Variants in CACNB2 observed in about 807,000 individuals in gnomAD.
The protein encoded by CACNB2 is calcium voltage-gated channel auxiliary subunit beta 2, also known as voltage-dependent L-type calcium channel subunit beta-2.
A neutral mutation model predicts 73.3 loss-of-function variants in CACNB2; 42 were observed. The ratio of observed to expected loss-of-function variants is 0.57; its 90% CI spans 0.45 to 0.74. The LOEUF (loss-of-function observed/expected upper bound fraction) is 0.74. Among genes scored for constraint, CACNB2 ranks in the 30% least tolerant of loss-of-function variants. CACNB2 has a pLI of 0.00. For synonymous variants in CACNB2, 348 were observed against 310.3 expected, an observed-to-expected ratio of 1.12 and a Z score of -1.28; for missense variants, 940 against 853.0, an observed-to-expected ratio of 1.10 and a Z score of -1.27.
intron 3 of CACNB2, among the ~76,000 whole-genome samples, chr10:18,418,411 A>G (rs1321501957): frequency 3.3e-5 from 5 of 152,232 alleles, no homozygotes; most frequent in East Asian, 1.9e-4. Context: ...AATTATTTCA[A>G]TTGATATTTG....
At chr10:18,394,833 T>C (rs1365176059) in intron 2 of CACNB2, among the ~76,000 whole-genome samples, 2 of 152,246 alleles carry the variant, frequency 1.3e-5, no homozygotes, top group African/African-American at 4.8e-5. Flanking sequence ...ATTATGAGTA[T>C]AATATAAAAC....
intron 3 of CACNB2, among the ~76,000 whole-genome samples, chr10:18,466,126 G>A (rs1458400148): frequency 3.3e-5 from 5 of 152,140 alleles, no homozygotes; most frequent in South Asian, 4.1e-4. Flanking sequence ...TTCCAGTTAC[G>A]GTGCACGAAG....
chr10:18,317,650 G>T (rs376870078), intron 2 of CACNB2, among the ~76,000 whole-genome samples: 1 of 152,126 alleles, frequency 6.6e-6, no homozygotes, highest in South Asian at 2.1e-4. Flanking sequence ...CAGGTGCCTG[G>T]GTTGATTCCT....
chr10:18,363,936 T>C (rs987797742), intron 2 of CACNB2, among the ~76,000 whole-genome samples: 2 of 150,410 alleles, frequency 1.3e-5, no homozygotes, highest in African/African-American at 4.9e-5. Flanking sequence ...AGTAGGGTCT[T>C]GAAGGCAGTT....
At chr10:18,164,897 A>G (rs1404264331) in intron 2 of CACNB2, among the ~76,000 whole-genome samples, 1 of 152,118 alleles carries the variant, frequency 6.6e-6, no homozygotes, top group Non-Finnish European at 1.5e-5. Context: ...TATTTGTACT[A>G]AGTTCTTGTC....
intron 3 of CACNB2, among the ~76,000 whole-genome samples, chr10:18,423,538 A>G (rs552579870): frequency 5.9e-5 from 9 of 152,324 alleles, no homozygotes; most frequent in African/African-American, 2.2e-4. Flanking sequence ...TTACATAAAG[A>G]TGAAATTATA....
intron 3 of CACNB2, among the ~76,000 whole-genome samples, chr10:18,455,722 A>G (rs149502205): frequency 6.6e-6 from 1 of 152,344 alleles, no homozygotes; most frequent in East Asian, 1.9e-4. Context: ...TGCAGGCCCC[A>G]TCTGTGTTCC....
chr10:18,171,245 A>T (rs1310936006), intron 2 of CACNB2, among the ~76,000 whole-genome samples: 2 of 152,158 alleles, frequency 1.3e-5, no homozygotes, highest in African/African-American at 4.8e-5. Flanking sequence ...CAAGAAATGT[A>T]GGGTTATTCT....
At chr10:18,496,767 T>C (rs150983522) in intron 3 of CACNB2, among the ~76,000 whole-genome samples, 2,030 of 120,968 alleles carry the variant, frequency 0.017, 39 homozygotes, top group African/African-American at 0.056. Flanking sequence ...TGAGCCGAGA[T>C]CATGCCATTG....
intron 2 of CACNB2, among the ~76,000 whole-genome samples, chr10:18,266,081 G>A (rs556570460): frequency 6.6e-6 from 1 of 152,066 alleles, no homozygotes; most frequent in African/African-American, 2.4e-5. Context: ...TAAGCAATTC[G>A]GTACTCTAGT....
At chr10:18,352,042 A>G (rs1430810817) in intron 2 of CACNB2, among the ~76,000 whole-genome samples, 2 of 152,216 alleles carry the variant, frequency 1.3e-5, no homozygotes, top group Non-Finnish European at 2.9e-5. Flanking sequence ...GACAGATGAT[A>G]TTTTGACAGG....
At chr10:18,203,848 T>C (rs1269236366) in intron 2 of CACNB2, among the ~76,000 whole-genome samples, 1 of 152,246 alleles carries the variant, frequency 6.6e-6, no homozygotes, top group Non-Finnish European at 1.5e-5. Context: ...GTCTGTCTTT[T>C]GAAATATACT....
In CACNB2 at chr10:18,514,276, T is replaced by C. The variant is rs570005089; in HGVS notation, c.711T>C (p.Asn237=). The part of the protein sequence containing the change: ...IDATGLDAEE[N]DIPANHRSPK... Reference sequence around the variant, plus strand: ...CTACTGGCTTAGATGCAGAAGAAAATGATATTCCAGCAAACCACCGCTCCC... The same window carrying C: ...CTACTGGCTTAGATGCAGAAGAAAACGATATTCCAGCAAACCACCGCTCCC... Residue 237 remains asparagine (N), a synonymous_variant, in exon 7 of 14, where the codon AAT becomes AAC. Transcript: ENST00000324631. 1.4e-4 allele frequency: 227 copies of C among 1,614,098 alleles called. No homozygotes were observed. The South Asian group carries it at 2.3e-3, about 16-fold the overall frequency.
At chr10:18,506,101 T>C (rs1164291899) in intron 5 of CACNB2, among the ~76,000 whole-genome samples, 1 of 152,200 alleles carries the variant, frequency 6.6e-6, no homozygotes, top group Non-Finnish European at 1.5e-5. Context: ...GAAATATTAA[T>C]CTTGGGTGTT....
At chr10:18,208,309 C>CA (rs1169115488) in intron 2 of CACNB2, among the ~76,000 whole-genome samples, 1 of 151,958 alleles carries the variant, frequency 6.6e-6, no homozygotes, top group Non-Finnish European at 1.5e-5. Context: ...TGTACACACA[C>CA]AAAAAACTTT....
chr10:18,190,252 C>G (rs2034335201), intron 2 of CACNB2, among the ~76,000 whole-genome samples: 1 of 152,156 alleles, frequency 6.6e-6, no homozygotes, highest in Admixed American at 6.6e-5. Context: ...TCCAGTAATA[C>G]AGATACAATA....
At chr10:18,164,599 A>T (rs2032710849) in intron 2 of CACNB2, among the ~76,000 whole-genome samples, 1 of 151,906 alleles carries the variant, frequency 6.6e-6, no homozygotes, top group South Asian at 2.1e-4. Context: ...CAATTAATAC[A>T]AGAAGCATGA....
intron 2 of CACNB2, among the ~76,000 whole-genome samples, chr10:18,361,834 A>G (rs998680202): frequency 9.9e-5 from 15 of 151,940 alleles, no homozygotes; most frequent in African/African-American, 3.4e-4. Flanking sequence ...GCTGGTCTTG[A>G]ACTCCTGACC....
At chr10:18,297,829 A>G (rs1305244036) in intron 2 of CACNB2, among the ~76,000 whole-genome samples, 2 of 152,178 alleles carry the variant, frequency 1.3e-5, no homozygotes, top group African/African-American at 4.8e-5. Context: ...GGAGTGCACT[A>G]TCCCTCCACA....
Sources: gnomAD v4.1 joint callset for allele counts (sites outside exome capture counted in the v4.1 genomes callset) on GRCh38, gnomAD v4.1.1 for gene constraint, MANE v1.5 for transcripts, NCBI Gene and HGNC (gene_info 2026-07-23, HGNC 2026-07-21) for gene names.